The following PLAC1 variants were observed in gnomAD, a reference collection of about 807,000 sequenced individuals.
PLAC1 encodes placenta associated 1.
For missense variants in PLAC1, 136 were observed against 163.2 expected (o/e 0.83, Z 0.91); for synonymous variants, 68 against 62.1 (o/e 1.09, Z -0.44).
intron 1 of PLAC1, among the ~76,000 whole-genome samples, chrX:134,748,141 C>T (rs1042012754): frequency 9.0e-6 from 1 of 110,941 alleles, no homozygotes; most frequent in Non-Finnish European, 1.9e-5. Context: ...ACCAGCCCGG[C>T]CAACATGGTG....
At chrX:134,747,538 A>G (rs182104428) in intron 1 of PLAC1, among the ~76,000 whole-genome samples, 6 of 111,462 alleles carry the variant, frequency 5.4e-5, no homozygotes, top group Non-Finnish European at 1.1e-4. Context: ...GAGTGGGGAA[A>G]TTGTAGGGAC....
At chrX:134,608,190 T>C (rs2078132226) in intron 1 of PLAC1, among the ~76,000 whole-genome samples, 1 of 111,701 alleles carries the variant, frequency 9.0e-6, no homozygotes, top group Non-Finnish European at 1.9e-5. Flanking sequence ...ACATATCCAA[T>C]AGAATTGGAA....
At chrX:134,613,740 C>G (rs1183816957) in intron 1 of PLAC1, among the ~76,000 whole-genome samples, 1 of 110,726 alleles carries the variant, frequency 9.0e-6, no homozygotes, top group Non-Finnish European at 1.9e-5. Flanking sequence ...TCATCCTTCC[C>G]CTTTCTCTGT....
intron 1 of PLAC1, among the ~76,000 whole-genome samples, chrX:134,612,862 T>A (rs765674594): frequency 7.2e-5 from 8 of 111,171 alleles, no homozygotes; most frequent in Non-Finnish European, 5.7e-5. Context: ...CTTGGTCAAG[T>A]GCATGGACCC....
Position 134,616,090 on chromosome X carries a change from C to T in PLAC1, c.-130-13968G>A, listed in dbSNP as rs186082826. Among the ~76,000 whole-genome samples, 27 of 110,927 alleles carry T rather than the reference C, an allele frequency of 2.4e-4. No homozygotes were observed. The Admixed American group carries it at 2.6e-3, about 11-fold the overall frequency. ...GAACTCCTGGGCTCAAGTAATCCTC[C>T]TACCTCAGCTTCCCTGGTAGCTAGA... is the stretch of plus-strand genomic sequence containing the variant. On this transcript the variant is annotated intron_variant, in intron 1 of 2. Transcript: ENST00000359237.
rs185708140 is a variant in PLAC1 at position 134,717,176 on chromosome X, C to G, written n.174+16259G>C. Among the ~76,000 whole-genome samples, 129 of 111,728 alleles carry G rather than the reference C, an allele frequency of 1.2e-3. 1 individual carries two copies. Among genetic ancestry groups the G allele is most frequent in the Non-Finnish European group, 2.0e-3 (108 of 53,150 alleles). On this transcript the variant is annotated intron_variant and non_coding_transcript_variant, in intron 2 of 2. Transcript: ENST00000466797. ...GGCATTTGCTGGGTACATGTGCGTG[C>G]TGGGTACGTGTGCGTTCTGGGTAGA... is the stretch of plus-strand genomic sequence containing the variant.
chrX:134,686,562 G>A (rs745644579), intron 2 of PLAC1, among the ~76,000 whole-genome samples: 1 of 112,016 alleles, frequency 8.9e-6, no homozygotes, highest in Admixed American at 9.5e-5. Flanking sequence ...TTGAAACCCA[G>A]TCCTGCTTAG....
intron 2 of PLAC1, among the ~76,000 whole-genome samples, chrX:134,600,036 C>CATTATT (rs759904550): frequency 2.1e-3 from 232 of 109,707 alleles, no homozygotes; most frequent in African/African-American, 7.3e-3. Context: ...AGGCTCAGAG[C>CATTATT]ATTATTATTA....
chrX:134,662,713 C>T (rs1246897785), upstream of PLAC1, among the ~76,000 whole-genome samples: 1 of 111,828 alleles, frequency 8.9e-6, no homozygotes, highest in Non-Finnish European at 1.9e-5. Flanking sequence ...GTGGATTGCT[C>T]GAGCCCAGGA....
chrX:134,707,366 A>T (rs1419952798), intron 2 of PLAC1, among the ~76,000 whole-genome samples: 2 of 112,617 alleles, frequency 1.8e-5, no homozygotes, highest in Admixed American at 9.4e-5. Context: ...CAGATTTGTT[A>T]CATAGGTATA....
At chrX:134,746,268 C>T (rs1254505656) in intron 1 of PLAC1, among the ~76,000 whole-genome samples, 1 of 111,599 alleles carries the variant, frequency 9.0e-6, no homozygotes, top group Non-Finnish European at 1.9e-5. Context: ...AGAATAGTTC[C>T]ACTTCCTTGT....
At chrX:134,646,277 A>T (rs2078333114) in intron 1 of PLAC1, among the ~76,000 whole-genome samples, 1 of 111,656 alleles carries the variant, frequency 9.0e-6, no homozygotes, top group African/African-American at 3.3e-5. Flanking sequence ...GCTTTCCGGC[A>T]ATTCTTGGGA....
chrX:134,754,891 G>A (rs765918158), intron 1 of PLAC1, among the ~76,000 whole-genome samples: 12 of 107,886 alleles, frequency 1.1e-4, no homozygotes, highest in Non-Finnish European at 2.1e-4. Flanking sequence ...ACGGTAGGAA[G>A]CAGTTTTAGC....
intron 1 of PLAC1, among the ~76,000 whole-genome samples, chrX:134,626,302 G>C (rs2078236914): frequency 2.7e-5 from 3 of 112,196 alleles, no homozygotes; most frequent in Non-Finnish European, 3.8e-5. Context: ...CTATGAAACA[G>C]TAAGCTCCCT....
intron 2 of PLAC1, among the ~76,000 whole-genome samples, chrX:134,569,707 T>C (rs1012596458): frequency 9.3e-6 from 1 of 106,995 alleles, no homozygotes; most frequent in Non-Finnish European, 1.9e-5. Flanking sequence ...TCCCTTCTCC[T>C]GCTACCTGCA....
At chrX:134,754,758 CTTTTTT>C (rs760098539) in intron 1 of PLAC1, among the ~76,000 whole-genome samples, 3 of 66,153 alleles carry the variant, frequency 4.5e-5, no homozygotes, top group South Asian at 1.1e-3. Context: ...ATTTATTGTT[CTTTTTT>C]TTTTTTTTTT....
At chrX:134,589,362 C>A (rs2078023162) in intron 2 of PLAC1, among the ~76,000 whole-genome samples, 1 of 111,192 alleles carries the variant, frequency 9.0e-6, no homozygotes. Flanking sequence ...GAAAGAAACC[C>A]CTCCAGTGAT....
At chrX:134,748,054 A>G (rs981963750) in intron 1 of PLAC1, among the ~76,000 whole-genome samples, 3 of 112,309 alleles carry the variant, frequency 2.7e-5, no homozygotes, top group South Asian at 3.7e-4. Context: ...GTTCAGCTGC[A>G]TGCAGTGGCT....
At chrX:134,578,656 C>T (rs1304972762) in intron 2 of PLAC1, among the ~76,000 whole-genome samples, 5 of 105,322 alleles carry the variant, frequency 4.7e-5, no homozygotes, top group African/African-American at 1.0e-4. Context: ...TAGCTGGGAT[C>T]GCCTGGCTAC....
Sources: allele counts gnomAD v4.1 joint callset (sites outside exome capture counted in the v4.1 genomes callset), GRCh38; gene constraint gnomAD v4.1.1; transcripts MANE v1.5; gene names NCBI Gene and HGNC (gene_info 2026-07-23, HGNC 2026-07-21).